Variants in MYBPC1 observed in about 807,000 individuals in gnomAD.
MYBPC1 encodes the protein myosin-binding protein C, slow-type.
In MYBPC1, 52 loss-of-function variants were observed where a neutral mutation model predicts 147.1. The observed-to-expected ratio is 0.35, with a 90% CI of 0.28 to 0.45. MYBPC1 has a LOEUF of 0.45. Ranked by LOEUF, MYBPC1 falls within the 20% of genes least tolerant of loss-of-function variation. The pLI is 1.00. For synonymous variants in MYBPC1, 477 were observed against 475.9 expected, an observed-to-expected ratio of 1.00 and a Z score of -0.03; for missense variants, 1,228 against 1,440.3, an observed-to-expected ratio of 0.85 and a Z score of 2.39.
Position 101,654,750 on chromosome 12 carries a change from T to C in MYBPC1, c.1767+1502T>C, listed in dbSNP as rs190534284. Among the ~76,000 whole-genome samples the C allele has an allele frequency of 2.2e-3, 328 of 152,310 alleles. 1 individual carries two copies. The highest frequency in any genetic ancestry group is 0.01 in the Middle Eastern group (3 of 294). ...ACTGGCACTCACACAAGGCCAATAG[T>C]AGTGCCTGTTCCCCCTAGCTAGACA... On this transcript the variant is annotated intron_variant, in intron 18 of 31. Transcript: ENST00000361466.
At chr12:101,687,325 T>C (rs1333049958), downstream of MYBPC1, among the ~76,000 whole-genome samples, 1 of 152,156 alleles carries the variant, frequency 6.6e-6, no homozygotes, top group South Asian at 2.1e-4. Flanking sequence ...CATGCGGTGT[T>C]TGTTTTTTTG....
At chr12:101,662,205 G>C (rs1015791905) in intron 20 of MYBPC1, among the ~76,000 whole-genome samples, 153 bp from the exon 21 acceptor site, 2 of 151,654 alleles carry the variant, frequency 1.3e-5, no homozygotes, top group Admixed American at 1.3e-4. Flanking sequence ...CTATTCTCTT[G>C]GAATAAGATA....
At chr12:101,662,593 A>C in intron 21 of MYBPC1, 47 bp downstream of exon 21, 1 of 1,593,498 alleles carries the variant, frequency 6.3e-7, no homozygotes. Context: ...ATTGCCCCAG[A>C]GTATGACTGC....
At chr12:101,672,777 G>A (rs1404196354) in intron 24 of MYBPC1, among the ~76,000 whole-genome samples, 2 of 152,194 alleles carry the variant, frequency 1.3e-5, no homozygotes, top group African/African-American at 2.4e-5. Context: ...GAACCCAGGA[G>A]GTGGAGGTTG....
intron 21 of MYBPC1, among the ~76,000 whole-genome samples, chr12:101,662,931 G>C (rs1470827108): frequency 6.6e-6 from 1 of 151,996 alleles, no homozygotes; most frequent in Admixed American, 6.5e-5. Flanking sequence ...AATTGAGATC[G>C]GTTCAACAGG....
At chr12:101,655,469 A>G (rs1895384141) in intron 18 of MYBPC1, among the ~76,000 whole-genome samples, 1 of 152,222 alleles carries the variant, frequency 6.6e-6, no homozygotes, top group African/African-American at 2.4e-5. Flanking sequence ...AGAATCAGTT[A>G]GACTTCAAAT....
chr12:101,662,692 T>C lies in MYBPC1; in HGVS notation c.2221+146T>C, dbSNP rs569475118. 66 of 847,612 alleles carry C rather than the reference T, an allele frequency of 7.8e-5. No homozygotes were observed. The African/African-American group carries it at 1.0e-3, about 13-fold the overall frequency. 52.5% of individuals were successfully genotyped at this position (847,612 alleles called of 1,614,324 possible). A position where few individuals can be genotyped will look rare whatever the true frequency, so the allele number is the denominator to read the frequency against. ...CTTGAAACAGTTAGGTACAATTTTA[T>C]GTCTAAGAAATTAAAAAGTAGGTTT... On this transcript the variant is annotated intron_variant, in intron 21 of 31. Coordinates refer to ENST00000361466, the MANE Select transcript of MYBPC1 (RefSeq NM_002465.4).
intron 12 of MYBPC1, 36 bp from the exon 13 acceptor site, chr12:101,646,727 C>T (rs1464684102): frequency 1.3e-5 from 21 of 1,609,140 alleles, no homozygotes; most frequent in Non-Finnish European, 1.8e-5. Flanking sequence ...AAATCACATT[C>T]ACAGACTCTG....
In MYBPC1 at chr12:101,613,331, G is replaced by A. The variant is rs115286564; in HGVS notation, c.26-1165G>A. 7.7e-3 allele frequency among the ~76,000 whole-genome samples: 1,166 copies of A among 152,268 alleles called. 18 individuals carry two copies. The highest frequency in any genetic ancestry group is 0.026 in the African/African-American group (1,099 of 41,550). ...AACTGCTTGTTATGGGGCATCGTCC[G>A]CCCTGCTTAACAAGAGTCACTTGTG... On this transcript the variant is annotated intron_variant, in intron 1 of 31. Coordinates refer to ENST00000361466, the MANE Select transcript of MYBPC1 (RefSeq NM_002465.4).
In MYBPC1 at chr12:101,673,526, A is replaced by T. The variant is rs776428836; in HGVS notation, c.2713A>T (p.Ile905Phe). ...RNSETDTIIF[I>F]RKAERSHSGK... ...CTCTGAGACTGATACAATCATATTTATTAGAAAAGCAGAGAGGAGCCACTC... is the reference window on the plus strand; with the variant it reads ...CTCTGAGACTGATACAATCATATTTTTTAGAAAAGCAGAGAGGAGCCACTC... The change falls in exon 25 of 32, where the codon ATT (isoleucine) becomes TTT (phenylalanine). Residue 905 changes from isoleucine (I) to phenylalanine (F), a missense_variant. Physicochemically the swap from Ile to Phe is conservative, Grantham distance 21. Coordinates refer to ENST00000361466, the MANE Select transcript of MYBPC1 (RefSeq NM_002465.4). 2 of 1,614,178 alleles carry T rather than the reference A, an allele frequency of 1.2e-6. No homozygotes were observed. Among genetic ancestry groups the T allele is most frequent in the Middle Eastern group, 1.7e-4 (1 of 6,050 alleles).
the MYBPC1 span, among the ~76,000 whole-genome samples, chr12:101,694,563 T>C: frequency 6.6e-6 from 1 of 152,202 alleles, no homozygotes; most frequent in Non-Finnish European, 1.5e-5. Context: ...GAGAGCTTCC[T>C]CTCTTTCTCT....
At chr12:101,645,047 A>G (rs754774900) in intron 12 of MYBPC1, among the ~76,000 whole-genome samples, 2 of 152,182 alleles carry the variant, frequency 1.3e-5, no homozygotes, top group Non-Finnish European at 2.9e-5. Context: ...TTGTGTCGCT[A>G]TAGGTTATAT....
downstream of MYBPC1, among the ~76,000 whole-genome samples, chr12:101,690,540 TCAAA>T (rs1349711434): frequency 1.3e-5 from 2 of 152,104 alleles, no homozygotes; most frequent in African/African-American, 4.8e-5. Flanking sequence ...CTAATGCTTC[TCAAA>T]CAATACCATA....
intron 1 of MYBPC1, among the ~76,000 whole-genome samples, chr12:101,601,427 C>T (rs191034221): frequency 1.3e-4 from 20 of 152,310 alleles, no homozygotes; most frequent in Admixed American, 9.8e-4. Context: ...TGGGCTTTAA[C>T]GTACATTTTC....
intron 30 of MYBPC1, among the ~76,000 whole-genome samples, chr12:101,683,731 T>C (rs1951174774): frequency 6.6e-6 from 1 of 152,120 alleles, no homozygotes; most frequent in African/African-American, 2.4e-5. Flanking sequence ...TGTAGATCTA[T>C]GCCTGAGTTT....
chr12:101,600,016 A>G (rs922352011), intron 1 of MYBPC1, among the ~76,000 whole-genome samples: 4 of 152,322 alleles, frequency 2.6e-5, no homozygotes, highest in Middle Eastern at 3.4e-3. Flanking sequence ...GGACTGGCCA[A>G]TTCTTTCCTC....
intron 22 of MYBPC1, among the ~76,000 whole-genome samples, chr12:101,665,400 T>C (rs1233296121): frequency 1.3e-5 from 2 of 152,348 alleles, no homozygotes; most frequent in South Asian, 4.1e-4. Context: ...TTAATGCTTT[T>C]AGAGACATCA....
intron 10 of MYBPC1, among the ~76,000 whole-genome samples, chr12:101,640,756 T>G (rs1038576371): frequency 1.3e-5 from 2 of 152,200 alleles, no homozygotes; most frequent in African/African-American, 4.8e-5. Flanking sequence ...TATTAATATC[T>G]ATAATCTCCT....
chr12:101,610,777 G>A (rs951217806), intron 1 of MYBPC1, among the ~76,000 whole-genome samples: 1 of 152,188 alleles, frequency 6.6e-6, no homozygotes, highest in Non-Finnish European at 1.5e-5. Context: ...GGAAAATGGT[G>A]TAATTGCGCT....
Sources: allele counts gnomAD v4.1 joint callset (sites outside exome capture counted in the v4.1 genomes callset), GRCh38; gene constraint gnomAD v4.1.1; transcripts MANE v1.5; gene names NCBI Gene and HGNC (gene_info 2026-07-23, HGNC 2026-07-21).